Variants in WDR27 observed in about 807,000 individuals in gnomAD.
The protein encoded by WDR27 is WD repeat-containing protein 27.
WDR27 carries 100 observed loss-of-function variants against 114.4 expected under a neutral mutation model. That is an observed-to-expected ratio of 0.87 (90% confidence interval 0.74 to 1.03). The LOEUF (loss-of-function observed/expected upper bound fraction) is 1.03. WDR27 is among the 50% of genes least tolerant of loss of function. The pLI, the probability that WDR27 is intolerant of heterozygous loss-of-function variation, is 0.00. For synonymous variants in WDR27, 449 were observed against 423.1 expected (o/e 1.06, Z -0.75); for missense variants, 1,129 against 1,092.9 (o/e 1.03, Z -0.47).
At chr6:169,583,705 C>T (rs1157078385) in intron 23 of WDR27, among the ~76,000 whole-genome samples, 1 of 150,308 alleles carries the variant, frequency 6.7e-6, no homozygotes, top group African/African-American at 2.5e-5. Flanking sequence ...TAAAGAGCAA[C>T]GTCACATTGC....
At chr6:169,553,003 T>G (rs1208795138) in intron 25 of WDR27, among the ~76,000 whole-genome samples, 1 of 121,982 alleles carries the variant, frequency 8.2e-6, no homozygotes, top group African/African-American at 3.1e-5. Flanking sequence ...TGTGTGTGTG[T>G]GTGTGTGTGT....
chr6:169,444,004 A>G, the WDR27 span, among the ~76,000 whole-genome samples: 1 of 152,114 alleles, frequency 6.6e-6, no homozygotes, highest in East Asian at 1.9e-4. Flanking sequence ...CCTTCAGCTG[A>G]GCAGGTTGCA....
chr6:169,561,861 T>C (rs1035841923), intron 25 of WDR27, among the ~76,000 whole-genome samples: 2 of 152,136 alleles, frequency 1.3e-5, no homozygotes, highest in African/African-American at 4.8e-5. Flanking sequence ...TTTAAACAAA[T>C]AATTTTAAAA....
rs145506682 is a variant in WDR27, at chr6:169,666,653, T to C, written c.712+483A>G. The C allele has an allele frequency of 4.0e-4, 398 of 985,888 alleles. No homozygotes were observed. The African/African-American group carries it at 5.9e-3, about 15-fold the overall frequency. 61.1% of individuals were successfully genotyped at this position (985,888 alleles called of 1,614,324 possible). A position where few individuals can be genotyped will look rare whatever the true frequency, so the allele number is the denominator to read the frequency against. On this transcript the variant is annotated intron_variant, in intron 6 of 25. Coordinates refer to ENST00000448612, the MANE Select transcript of WDR27 (RefSeq NM_182552.5). ...GCTGTGTGGCCGTGTGCCAGCTTCA[T>C]TTACCAACAGAAAGCCATCTGAGGG...
At chr6:169,535,134 T>G (rs1242631193) in intron 25 of WDR27, among the ~76,000 whole-genome samples, 2 of 152,214 alleles carry the variant, frequency 1.3e-5, no homozygotes, top group African/African-American at 2.4e-5. Flanking sequence ...TAATTTTCAA[T>G]TAGTCACTTA....
At chr6:169,440,903 G>C in the WDR27 span, among the ~76,000 whole-genome samples, 4 of 152,168 alleles carry the variant, frequency 2.6e-5, no homozygotes, top group Non-Finnish European at 5.9e-5. Flanking sequence ...TTCATCTGCT[G>C]AGTTGGTTGC....
At chr6:169,478,001 C>T (rs1280192171) in intron 25 of WDR27, among the ~76,000 whole-genome samples, 1 of 152,108 alleles carries the variant, frequency 6.6e-6, no homozygotes, top group African/African-American at 2.4e-5. Context: ...CTTAAAAGTA[C>T]TATGTTCATG....
At chr6:169,486,553 G>A (rs764390447) in intron 25 of WDR27, among the ~76,000 whole-genome samples, 48 of 152,176 alleles carry the variant, frequency 3.2e-4, no homozygotes, top group Admixed American at 1.9e-3. Context: ...GTGCAGTGGC[G>A]CGATCTCGGC....
chr6:169,583,924 C>T (rs1804062449), intron 23 of WDR27, among the ~76,000 whole-genome samples: 1 of 152,128 alleles, frequency 6.6e-6, no homozygotes, highest in Non-Finnish European at 1.5e-5. Context: ...GTGACAAGAA[C>T]AGCTAAAATC....
chr6:169,646,747 CAA>C (rs201219275), intron 16 of WDR27, among the ~76,000 whole-genome samples: 31 of 78,506 alleles, frequency 3.9e-4, no homozygotes, highest in Admixed American at 4.5e-4. Context: ...GTCTCTGTCT[CAA>C]AAAAAAAAAA....
intron 2 of WDR27, among the ~76,000 whole-genome samples, chr6:169,675,099 G>A (rs1370532642): frequency 6.6e-6 from 1 of 152,170 alleles, no homozygotes; most frequent in Non-Finnish European, 1.5e-5. Flanking sequence ...AGGTCACAGG[G>A]GATATGATGG....
At chr6:169,519,315 C>T (rs1184068853) in intron 25 of WDR27, among the ~76,000 whole-genome samples, 1 of 152,172 alleles carries the variant, frequency 6.6e-6, no homozygotes, top group African/African-American at 2.4e-5. Flanking sequence ...TTAGTTCATT[C>T]TTGTATTGCT....
downstream of WDR27, among the ~76,000 whole-genome samples, chr6:169,453,388 GA>G (rs377379577): frequency 6.1e-5 from 9 of 148,660 alleles, no homozygotes; most frequent in East Asian, 2.0e-4. Context: ...CATCCGTTGG[GA>G]AAAAAAAAAG....
intron 25 of WDR27, among the ~76,000 whole-genome samples, chr6:169,476,472 C>T (rs1787186454): frequency 6.6e-6 from 1 of 152,226 alleles, no homozygotes; most frequent in East Asian, 1.9e-4. Flanking sequence ...TGTTTGATCA[C>T]CAATAAATAG....
chr6:169,639,778 T>G (rs941335553), intron 17 of WDR27, among the ~76,000 whole-genome samples: 2 of 152,206 alleles, frequency 1.3e-5, no homozygotes, highest in Non-Finnish European at 2.9e-5. Flanking sequence ...TGGACCTGTC[T>G]TGCCTCATAA....
chr6:169,466,614 T>G (rs909164350), intron 25 of WDR27, among the ~76,000 whole-genome samples: 3 of 152,084 alleles, frequency 2.0e-5, no homozygotes, highest in Non-Finnish European at 4.4e-5. Flanking sequence ...GAGATTTGGG[T>G]GGGGACACAG....
intron 10 of WDR27, among the ~76,000 whole-genome samples, chr6:169,660,365 G>A (rs1825730710): frequency 6.6e-6 from 1 of 152,190 alleles, no homozygotes; most frequent in South Asian, 2.1e-4. Flanking sequence ...CTTCCCAAGG[G>A]TGTTCCTGCA....
At chr6:169,575,994 C>T (rs1055995454) in intron 24 of WDR27, among the ~76,000 whole-genome samples, 9 of 152,312 alleles carry the variant, frequency 5.9e-5, no homozygotes, top group Admixed American at 1.3e-4. Context: ...CCTGAAGAAG[C>T]GTTGCTATTT....
chr6:169,492,662 G>GA lies in WDR27; in HGVS notation c.2646-35029dup, dbSNP rs904729954. 2.4e-3 allele frequency among the ~76,000 whole-genome samples: 352 copies of GA among 148,606 alleles called. 1 individual carries two copies. The highest frequency in any genetic ancestry group is 7.8e-3 in the African/African-American group (316 of 40,698). On this transcript the variant is annotated intron_variant, in intron 25 of 25. Coordinates refer to ENST00000448612, the MANE Select transcript of WDR27 (RefSeq NM_182552.5). ...ACGACTTACTTTCCATACCTCACTG[G>GA]AAAAAAAAAATTATGAAATGATGAA...
Sources: allele counts gnomAD v4.1 joint callset (sites outside exome capture counted in the v4.1 genomes callset), GRCh38; gene constraint gnomAD v4.1.1; transcripts MANE v1.5; gene names NCBI Gene and HGNC (gene_info 2026-07-23, HGNC 2026-07-21).